ASIC2: variants seen among roughly 807,000 people sequenced by gnomAD.
The protein encoded by ASIC2 is acid sensing ion channel subunit 2.
In ASIC2, 25 loss-of-function variants were observed where a neutral mutation model predicts 57.3. The observed-to-expected ratio is 0.44, with a 90% CI of 0.32 to 0.61. ASIC2 has a LOEUF of 0.61. ASIC2 is among the 20% of genes least tolerant of loss of function. ASIC2 has a pLI of 0.06. For missense variants in ASIC2, 641 were observed against 738.1 expected, an observed-to-expected ratio of 0.87 and a Z score of 1.52; for synonymous variants, 319 against 307.5, an observed-to-expected ratio of 1.04 and a Z score of -0.39.
chr17:33,037,123 G>A (rs2091911828), intron 3 of ASIC2, among the ~76,000 whole-genome samples: 1 of 118,764 alleles, frequency 8.4e-6, no homozygotes, highest in Admixed American at 9.6e-5. Context: ...TTAGCCAGGT[G>A]TGGTAGCAAA....
At position 34,101,661 on chromosome 17, in the gene ASIC2, G is replaced by T. The variant is rs930084761; in HGVS notation, c.555+54317C>A. Reference sequence around the variant, plus strand: ...CAAATCCGGTGTTTATGATTTCCATGATTATTTTTGTTAACATTTATTATA... The same window carrying T: ...CAAATCCGGTGTTTATGATTTCCATTATTATTTTTGTTAACATTTATTATA... On this transcript the variant is annotated intron_variant, in intron 1 of 9. Transcript: ENST00000359872. Among the ~76,000 whole-genome samples the T allele has an allele frequency of 3.3e-5, 5 of 152,246 alleles. No homozygotes were observed. The South Asian group carries it at 1.0e-3, about 32-fold the overall frequency.
At chr17:33,548,756 C>T (rs932286793) in intron 1 of ASIC2, among the ~76,000 whole-genome samples, 15 of 152,160 alleles carry the variant, frequency 9.9e-5, no homozygotes, top group African/African-American at 2.7e-4. Flanking sequence ...TCTAGCCATG[C>T]TGACCTTGCT....
chr17:33,945,918 G>A (rs184595832), intron 1 of ASIC2, among the ~76,000 whole-genome samples: 1 of 152,324 alleles, frequency 6.6e-6, no homozygotes, highest in Admixed American at 6.5e-5. Flanking sequence ...GGAGATTAAA[G>A]CATAAAGATC....
chr17:33,054,467 A>G (rs2091990077), intron 3 of ASIC2, among the ~76,000 whole-genome samples: 1 of 152,150 alleles, frequency 6.6e-6, no homozygotes, highest in African/African-American at 2.4e-5. Context: ...TCAGCATCCC[A>G]GGATTCTATG....
intron 1 of ASIC2, among the ~76,000 whole-genome samples, chr17:33,499,604 C>A (rs1389553907): frequency 1.3e-5 from 2 of 152,214 alleles, no homozygotes; most frequent in Admixed American, 6.5e-5. Flanking sequence ...CAATATGTTT[C>A]TGTTGTTGAA....
intron 1 of ASIC2, among the ~76,000 whole-genome samples, chr17:34,141,803 T>A (rs1392048561): frequency 6.6e-6 from 1 of 152,136 alleles, no homozygotes; most frequent in Non-Finnish European, 1.5e-5. Flanking sequence ...CCTGAAACAG[T>A]GTTCTGCATG....
At chr17:33,403,863 GC>G (rs991552916) in intron 1 of ASIC2, among the ~76,000 whole-genome samples, 9 of 152,194 alleles carry the variant, frequency 5.9e-5, no homozygotes, top group African/African-American at 2.2e-4. Context: ...ACTTTTCCAA[GC>G]CCCACAGTGA....
chr17:33,418,397 CT>C (rs1910933499), intron 1 of ASIC2, among the ~76,000 whole-genome samples: 1 of 152,044 alleles, frequency 6.6e-6, no homozygotes, highest in African/African-American at 2.4e-5. Flanking sequence ...TCAATTTTGG[CT>C]TTTGTTGCCA....
At chr17:33,453,959 T>C (rs1230729220) in intron 1 of ASIC2, among the ~76,000 whole-genome samples, 1 of 152,234 alleles carries the variant, frequency 6.6e-6, no homozygotes, top group East Asian at 1.9e-4. Context: ...CATGAATCAA[T>C]AGGTCATTCC....
intron 1 of ASIC2, among the ~76,000 whole-genome samples, chr17:33,459,254 C>T (rs1202375090): frequency 6.6e-6 from 1 of 152,020 alleles, no homozygotes; most frequent in Admixed American, 6.5e-5. Context: ...CGGGGTCGGT[C>T]TGTGCTCTTG....
At chr17:33,551,114 A>T (rs922588501) in intron 1 of ASIC2, among the ~76,000 whole-genome samples, 22 of 152,256 alleles carry the variant, frequency 1.4e-4, no homozygotes, top group African/African-American at 5.3e-4. Flanking sequence ...GTGTAAAGAA[A>T]AAACAATCAT....
At chr17:33,148,845 G>A (rs1228230588) in intron 1 of ASIC2, among the ~76,000 whole-genome samples, 1 of 152,176 alleles carries the variant, frequency 6.6e-6, no homozygotes, top group African/African-American at 2.4e-5. Flanking sequence ...TGTAATCCCA[G>A]TAGTTTGGGA....
intron 1 of ASIC2, among the ~76,000 whole-genome samples, chr17:33,211,568 T>C: frequency 6.7e-6 from 1 of 150,370 alleles, no homozygotes. Context: ...AGTGAAGATC[T>C]GACCTGCTGG....
chr17:33,015,595 A>G (rs1363828943), intron 9 of ASIC2, among the ~76,000 whole-genome samples: 1 of 152,220 alleles, frequency 6.6e-6, no homozygotes, highest in African/African-American at 2.4e-5. Context: ...TGGAGGGCCA[A>G]TGATGCTTTG....
At chr17:34,114,951 G>A (rs1164842841) in intron 1 of ASIC2, among the ~76,000 whole-genome samples, 7 of 152,160 alleles carry the variant, frequency 4.6e-5, no homozygotes, top group East Asian at 1.9e-4. Context: ...TGAGCACCCC[G>A]TGATTATTGT....
At chr17:33,257,505 A>G (rs1011229440) in intron 1 of ASIC2, among the ~76,000 whole-genome samples, 10 of 152,314 alleles carry the variant, frequency 6.6e-5, no homozygotes, top group Middle Eastern at 3.4e-3. Context: ...TAACTTATCT[A>G]AGGTCACACA....
chr17:34,095,995 C>A (rs1910535217), intron 1 of ASIC2, among the ~76,000 whole-genome samples: 2 of 152,016 alleles, frequency 1.3e-5, no homozygotes, highest in Admixed American at 1.3e-4. Flanking sequence ...GATAACTTTC[C>A]CAAGATCAAA....
At chr17:34,131,945 G>T (rs1911982795) in intron 1 of ASIC2, among the ~76,000 whole-genome samples, 1 of 152,176 alleles carries the variant, frequency 6.6e-6, no homozygotes, top group Admixed American at 6.5e-5. Flanking sequence ...GGTCTCTCTT[G>T]GGGCAGTGGG....
chr17:33,308,871 C>T lies in ASIC2; in HGVS notation c.556-196804G>A, dbSNP rs1224820061. Among the ~76,000 whole-genome samples, 10 of 152,234 alleles carry T rather than the reference C, an allele frequency of 6.6e-5. 2 individuals are homozygous for T. In the South Asian group the frequency reaches 1.0e-3, roughly 16 times the overall value. On this transcript the variant is annotated intron_variant, in intron 1 of 9. Transcript: ENST00000359872. ...GGTCACTTCATGGAACTTGTCAATCCGTTCAATGATAACTATCGATCTCCT... is the reference window on the plus strand; with the variant it reads ...GGTCACTTCATGGAACTTGTCAATCTGTTCAATGATAACTATCGATCTCCT...
Sources: gnomAD v4.1 joint callset for allele counts (sites outside exome capture counted in the v4.1 genomes callset) on GRCh38, gnomAD v4.1.1 for gene constraint, MANE v1.5 for transcripts, NCBI Gene and HGNC (gene_info 2026-07-23, HGNC 2026-07-21) for gene names.